The following PJA2 variants were observed in gnomAD, a reference collection of about 807,000 sequenced individuals.
PJA2 encodes praja ring finger ubiquitin ligase 2.
Under a neutral mutation model 69.3 loss-of-function variants are expected in PJA2, and 25 were observed. That is an observed-to-expected ratio of 0.36 (90% CI 0.26 to 0.50). The LOEUF (loss-of-function observed/expected upper bound fraction) is 0.50, where lower values mean the gene tolerates loss of function less well. Among genes scored for constraint, PJA2 ranks in the 20% least tolerant of loss-of-function variants. The probability of loss-of-function intolerance (pLI) is 0.96; values close to 1 mark genes in which losing one functional copy is unlikely to be tolerated. For missense variants in PJA2, 809 were observed against 830.2 expected (o/e 0.97, Z 0.31); for synonymous variants, 308 against 277.8 (o/e 1.11, Z -1.08).
At position 109,372,114 on chromosome 5, in the gene PJA2, A is replaced by G. The variant is rs79066573; in HGVS notation, c.1284-3368T>C. 2.2e-3 allele frequency among the ~76,000 whole-genome samples: 332 copies of G among 152,348 alleles called. 2 individuals are homozygous for G. The highest frequency in any genetic ancestry group is 7.6e-3 in the African/African-American group (315 of 41,576). ...AAGTCCTGAATTTGATGTGCTACCT[A>G]TATTTTCTTAATTTCCATTAACATA... On this transcript the variant is annotated intron_variant, in intron 4 of 9. Coordinates refer to ENST00000361189, the MANE Select transcript of PJA2 (RefSeq NM_014819.5).
chr5:109,356,613 T>G, intron 6 of PJA2, among the ~76,000 whole-genome samples: 1 of 152,188 alleles, frequency 6.6e-6, no homozygotes, highest in South Asian at 2.1e-4. Flanking sequence ...TGTTTTTCAG[T>G]TTCCAATCCG....
chr5:109,358,953 A>ACT (rs1176444422), intron 6 of PJA2, among the ~76,000 whole-genome samples: 1 of 152,222 alleles, frequency 6.6e-6, no homozygotes, highest in African/African-American at 2.4e-5. Flanking sequence ...TCTTCACGCT[A>ACT]GAAGCCTACT....
At chr5:109,397,530 A>G (rs2860398) in intron 1 of PJA2, among the ~76,000 whole-genome samples, 65,796 of 151,314 alleles carry the variant, frequency 0.43, 17,562 homozygotes, top group Middle Eastern at 0.6. Flanking sequence ...TTTTTATTTT[A>G]TTTTTTGAGA....
intron 4 of PJA2, among the ~76,000 whole-genome samples, chr5:109,376,166 C>G (rs948088614): frequency 1.3e-5 from 2 of 151,352 alleles, no homozygotes; most frequent in South Asian, 4.2e-4. Flanking sequence ...CATACCCTAA[C>G]CACAGGCTCT....
intron 7 of PJA2, among the ~76,000 whole-genome samples, chr5:109,345,491 G>A (rs1451543355): frequency 1.4e-5 from 2 of 138,206 alleles, no homozygotes; most frequent in African/African-American, 5.3e-5. Context: ...TCCAGCCTGG[G>A]TGACAGAGCG....
intron 7 of PJA2, among the ~76,000 whole-genome samples, chr5:109,354,387 T>C (rs1317283266): frequency 7.2e-6 from 1 of 138,640 alleles, no homozygotes; most frequent in Non-Finnish European, 1.5e-5. Flanking sequence ...AGATTAGATA[T>C]CTCTGATATC....
chr5:109,338,059 A>G (rs1265367885), intron 9 of PJA2, among the ~76,000 whole-genome samples: 1 of 152,084 alleles, frequency 6.6e-6, no homozygotes, highest in Non-Finnish European at 1.5e-5. Context: ...TCTAGGACCA[A>G]TGGACGATTA....
At chr5:109,397,922 T>A (rs995014019) in intron 1 of PJA2, among the ~76,000 whole-genome samples, 1 of 152,118 alleles carries the variant, frequency 6.6e-6, no homozygotes, top group African/African-American at 2.4e-5. Context: ...AAAGGGCTAA[T>A]ATCCAGAATC....
At chr5:109,352,923 C>CT (rs1251020638) in intron 7 of PJA2, among the ~76,000 whole-genome samples, 70 of 134,288 alleles carry the variant, frequency 5.2e-4, no homozygotes, top group Admixed American at 9.7e-4. Flanking sequence ...CCTATAATAT[C>CT]ATAGACATCT....
intron 4 of PJA2, among the ~76,000 whole-genome samples, chr5:109,375,735 T>C (rs927941403): frequency 6.6e-6 from 1 of 152,024 alleles, no homozygotes. Flanking sequence ...ATCTCTCCAA[T>C]CTACAAATAC....
intron 7 of PJA2, among the ~76,000 whole-genome samples, chr5:109,348,691 A>G (rs1762207047): frequency 6.6e-6 from 1 of 152,216 alleles, no homozygotes; most frequent in African/African-American, 2.4e-5. Flanking sequence ...AAAGAACTGA[A>G]GATATAAACA....
intron 5 of PJA2, among the ~76,000 whole-genome samples, chr5:109,366,401 T>C (rs1342799003): frequency 6.6e-6 from 1 of 152,180 alleles, no homozygotes; most frequent in East Asian, 1.9e-4. Flanking sequence ...AAACTGGGCT[T>C]CTTAAATTAC....
intron 1 of PJA2, among the ~76,000 whole-genome samples, chr5:109,397,590 C>T (rs1157902194): frequency 6.6e-6 from 1 of 152,090 alleles, no homozygotes; most frequent in Non-Finnish European, 1.5e-5. Flanking sequence ...GCGATCTTGG[C>T]TCACTGCAAC....
chr5:109,386,697 TA>T (rs1747166800), intron 1 of PJA2, among the ~76,000 whole-genome samples: 1 of 152,148 alleles, frequency 6.6e-6, no homozygotes, highest in Admixed American at 6.6e-5. Flanking sequence ...TTTCAACAAG[TA>T]TATGTTGGAG....
chr5:109,392,815 A>G (rs780561457), intron 1 of PJA2, among the ~76,000 whole-genome samples: 2 of 152,216 alleles, frequency 1.3e-5, no homozygotes, highest in Non-Finnish European at 2.9e-5. Context: ...ACTGATGCAG[A>G]AACGAAATCC....
At chr5:109,376,377 G>C (rs768279757) in intron 4 of PJA2, among the ~76,000 whole-genome samples, 12 of 151,392 alleles carry the variant, frequency 7.9e-5, no homozygotes, top group Non-Finnish European at 1.2e-4. Flanking sequence ...GAAAAGTCCA[G>C]GGTCCTTCAA....
intron 4 of PJA2, 75 bp downstream of exon 4, chr5:109,378,129 G>A: frequency 3.9e-6 from 4 of 1,032,058 alleles, no homozygotes; most frequent in Non-Finnish European, 5.8e-6. Context: ...AAATAGCCCA[G>A]CCATCAAACA....
At chr5:109,354,515 GATATT>G (rs1762371976) in intron 7 of PJA2, among the ~76,000 whole-genome samples, 1 of 23,042 alleles carries the variant, frequency 4.3e-5, no homozygotes, top group African/African-American at 2.5e-4. Context: ...TATCTATATC[GATATT>G]AGATATCTAT....
chr5:109,354,434 G>C (rs1762366885), intron 7 of PJA2, among the ~76,000 whole-genome samples: 1 of 138,538 alleles, frequency 7.2e-6, no homozygotes, highest in South Asian at 2.3e-4. Flanking sequence ...ATGATATCTA[G>C]AGATGTCTAT....
Sources: gnomAD v4.1 joint callset for allele counts (sites outside exome capture counted in the v4.1 genomes callset) on GRCh38, gnomAD v4.1.1 for gene constraint, MANE v1.5 for transcripts, NCBI Gene and HGNC (gene_info 2026-07-23, HGNC 2026-07-21) for gene names.